A4GALT: variants seen among roughly 807,000 people sequenced by gnomAD.
A4GALT encodes the protein lactosylceramide 4-alpha-galactosyltransferase.
For synonymous variants in A4GALT, 257 were observed against 220.7 expected (o/e 1.16, Z -1.46); for missense variants, 512 against 486.0 (o/e 1.05, Z -0.50).
chr22:42,699,784 T>C (rs886779886), intron 1 of A4GALT, among the ~76,000 whole-genome samples: 10 of 152,120 alleles, frequency 6.6e-5, no homozygotes, highest in Non-Finnish European at 1.3e-4. Flanking sequence ...GGACACAGGG[T>C]GCCCCAATTA....
intron 1 of A4GALT, among the ~76,000 whole-genome samples, chr22:42,708,759 T>C (rs1921397142): frequency 6.6e-6 from 1 of 151,866 alleles, no homozygotes. Flanking sequence ...AATGGGAAAA[T>C]AACCAAATAA....
chr22:42,720,385 G>T (rs1454960293), intron 1 of A4GALT, among the ~76,000 whole-genome samples: 1 of 152,096 alleles, frequency 6.6e-6, no homozygotes, highest in African/African-American at 2.4e-5. Flanking sequence ...ACCGCCCGAC[G>T]CCCAGGCTTC....
At chr22:42,697,839 G>T (rs1303279831) in intron 1 of A4GALT, among the ~76,000 whole-genome samples, 3 of 152,104 alleles carry the variant, frequency 2.0e-5, no homozygotes, top group African/African-American at 7.2e-5. Context: ...CTGTCACCAG[G>T]GAGCTACTCC....
rs775379991 is a variant in A4GALT, at chr22:42,693,845, A to G, written c.107T>C (p.Ile36Thr). Residue 36 changes from isoleucine to threonine, a missense_variant, in exon 3 of 3, where the codon ATC becomes ACC. Transcript: ENST00000642412. ...IGFKFTFFVS[I>T]MIYWHVVGEP... ...TCCCACAACGTGCCAGTAGATCATG[A>G]TGGAGACGAAAAACGTGAACTTGAA... 8.7e-6 allele frequency: 14 copies of G among 1,609,994 alleles called. No homozygotes were observed. The African/African-American group carries it at 1.6e-4, about 18-fold the overall frequency.
rs774598242 is a variant in A4GALT, at chr22:42,693,325, G to A, written c.627C>T (p.Gly209=). ...KNLRNLTNVL[G]TQSRYVLNGA... The stretch of plus-strand genomic sequence containing the variant: ...CGTTGAGGACGTAGCGGGACTGGGT[G>A]CCCAGCACGTTGGTCAGGTTCCGCA... Residue 209 remains glycine, a synonymous_variant, in exon 3 of 3, where the codon GGC becomes GGT. Transcript: ENST00000642412. 3 of 1,613,174 alleles carry A rather than the reference G, an allele frequency of 1.9e-6. No individual in the cohort carries two copies. The South Asian group carries it at 3.3e-5, about 18-fold the overall frequency.
At chr22:42,699,917 G>C (rs1277935975) in intron 1 of A4GALT, among the ~76,000 whole-genome samples, 2 of 152,190 alleles carry the variant, frequency 1.3e-5, no homozygotes. Flanking sequence ...AGGAAAGGCT[G>C]AGGACGGAGG....
intron 1 of A4GALT, among the ~76,000 whole-genome samples, chr22:42,713,810 CAA>C (rs35353035): frequency 0.2 from 18,799 of 92,822 alleles, 1,744 homozygotes; most frequent in East Asian, 0.6. Context: ...GAAACTCTGT[CAA>C]AAAAAAAAAA....
intron 2 of A4GALT, chr22:42,695,190 C>CAG (rs130393): frequency 0.74 from 112,793 of 151,940 alleles, 42,901 homozygotes; most frequent in African/African-American, 0.92. Context: ...ACCATCGACT[C>CAG]TGACTTCTAC....
chr22:42,709,039 GA>G (rs1921418732), intron 1 of A4GALT, among the ~76,000 whole-genome samples: 1 of 120,928 alleles, frequency 8.3e-6, no homozygotes, highest in Non-Finnish European at 1.8e-5. Context: ...ATATAGAAAG[GA>G]AAATTTAAAT....
intron 1 of A4GALT, among the ~76,000 whole-genome samples, chr22:42,706,474 T>C (rs191741553): frequency 6.6e-6 from 1 of 151,506 alleles, no homozygotes; most frequent in Non-Finnish European, 1.5e-5. Context: ...GAGACATACC[T>C]TAAACGAAGT....
chr22:42,715,552 T>C (rs1922098229), intron 1 of A4GALT, among the ~76,000 whole-genome samples: 1 of 151,622 alleles, frequency 6.6e-6, no homozygotes. Flanking sequence ...GTGGACTCCT[T>C]CTTTGCAAAA....
At chr22:42,720,328 G>A (rs1216216294) in intron 1 of A4GALT, among the ~76,000 whole-genome samples, 1 of 152,188 alleles carries the variant, frequency 6.6e-6, no homozygotes, top group Non-Finnish European at 1.5e-5. Flanking sequence ...CCCTCCTGCC[G>A]GCCGCTCTCC....
At chr22:42,697,591 T>C (rs779629580) in intron 1 of A4GALT, among the ~76,000 whole-genome samples, 2 of 151,952 alleles carry the variant, frequency 1.3e-5, no homozygotes, top group African/African-American at 4.8e-5. Context: ...CGGACCACAG[T>C]TGGGGGTGCC....
chr22:42,721,199 C>T (rs1447046309), upstream of A4GALT: 1 of 152,192 alleles, frequency 6.6e-6, no homozygotes, highest in Non-Finnish European at 1.5e-5. Flanking sequence ...GACGCTGTCA[C>T]CCCTGGGACC....
chr22:42,719,900 C>T (rs1922547543), intron 1 of A4GALT, among the ~76,000 whole-genome samples: 1 of 152,066 alleles, frequency 6.6e-6, no homozygotes, highest in Non-Finnish European at 1.5e-5. Flanking sequence ...GAGAGGGTGT[C>T]GTGAGGGAAA....
chr22:42,693,938 G>C lies in A4GALT; in HGVS notation c.14C>G (p.Pro5Arg). The C allele has an allele frequency of 1.3e-6, 2 of 1,588,908 alleles. No homozygotes were observed. Among genetic ancestry groups the C allele is most frequent in the Admixed American group, 1.8e-5 (1 of 56,418 alleles). The change falls in exon 3 of 3, where the codon CCC (proline) becomes CGC (arginine). Residue 5 changes from proline (P) to arginine (R), a missense_variant. Pro to Arg is a moderately radical substitution (Grantham distance 103, BLOSUM62 -2). Coordinates refer to ENST00000642412, the MANE Select transcript of A4GALT (RefSeq NM_017436.7). The stretch of plus-strand genomic sequence containing the variant: ...CCGGAGCAGCCGCAGCAGGAGGTCG[G>C]GGGGCTTGGACATGGTATCCCCAGA... Reference protein sequence around the residue: MSKPPDLLLRLLRGA... With the variant: MSKPRDLLLRLLRGA...
chr22:42,719,420 A>T (rs560760312), intron 1 of A4GALT, among the ~76,000 whole-genome samples: 3 of 152,300 alleles, frequency 2.0e-5, no homozygotes, highest in South Asian at 4.1e-4. Flanking sequence ...CTGCCACAGC[A>T]TTCCAGCCTG....
chr22:42,694,632 C>T (rs1044457995), intron 2 of A4GALT: 2 of 153,392 alleles, frequency 1.3e-5, no homozygotes, highest in African/African-American at 4.8e-5. Flanking sequence ...CCAGGTGCCT[C>T]GCAGGTGGTT....
rs758518911 is a variant in A4GALT at position 42,693,126 on chromosome 22, C to T, written c.826G>A (p.Val276Ile). The change falls in exon 3 of 3, where the codon GTC (valine) becomes ATC (isoleucine). Residue 276 changes from valine to isoleucine, a missense_variant. Physicochemically the swap from Val to Ile is conservative, Grantham distance 29. Coordinates refer to ENST00000642412, the MANE Select transcript of A4GALT (RefSeq NM_017436.7). Reference protein sequence around the residue: ...SLAESRACRGVTTLPPEAFYP... With the variant: ...SLAESRACRGITTLPPEAFYP... ...AAGGCCTCAGGGGGCAGGGTGGTGA[C>T]GCCGCGGCAGGCGCGGCTCTCGGCC... 19 of 1,608,826 alleles carry T rather than the reference C, an allele frequency of 1.2e-5. No homozygotes were observed. The South Asian group carries it at 1.5e-4, about 13-fold the overall frequency.
Sources: allele counts gnomAD v4.1 joint callset (sites outside exome capture counted in the v4.1 genomes callset), GRCh38; gene constraint gnomAD v4.1.1; transcripts MANE v1.5; gene names NCBI Gene and HGNC (gene_info 2026-07-23, HGNC 2026-07-21).